Variants in KANK1 observed in about 807,000 individuals in gnomAD.
The protein encoded by KANK1 is KN motif and ankyrin repeat domain-containing protein 1.
In KANK1, 109 loss-of-function variants were observed where a neutral mutation model predicts 106.2. The ratio of observed to expected loss-of-function variants is 1.03; its 90% confidence interval spans 0.88 to 1.20. The LOEUF (loss-of-function observed/expected upper bound fraction) is 1.20, where lower values mean the gene tolerates loss of function less well. Among genes scored for constraint, KANK1 ranks in the 50% most tolerant of loss-of-function variants. The pLI is 0.00. For missense variants in KANK1, 2,399 were observed against 1,710.7 expected (o/e 1.40, Z -7.10); for synonymous variants, 873 against 652.2 (o/e 1.34, Z -5.16).
At chr9:583,983 G>C (rs1282559632) in intron 1 of KANK1, among the ~76,000 whole-genome samples, 1 of 151,980 alleles carries the variant, frequency 6.6e-6, no homozygotes. Flanking sequence ...TGTGCCACTG[G>C]GTCAAACATT....
At chr9:607,479 C>A (rs1170177923) in intron 1 of KANK1, among the ~76,000 whole-genome samples, 2 of 111,810 alleles carry the variant, frequency 1.8e-5, no homozygotes, top group African/African-American at 7.4e-5. Context: ...AGCAAGACTC[C>A]ATCTCAAAAA....
intron 2 of KANK1, among the ~76,000 whole-genome samples, chr9:686,553 A>C (rs1008468880): frequency 6.6e-6 from 1 of 152,152 alleles, no homozygotes; most frequent in Non-Finnish European, 1.5e-5. Context: ...TTTGCATGTC[A>C]AACCATTTCA....
chr9:617,031 C>G (rs192646185), intron 1 of KANK1, among the ~76,000 whole-genome samples: 1 of 152,068 alleles, frequency 6.6e-6, no homozygotes, highest in Non-Finnish European at 1.5e-5. Flanking sequence ...GCAGTCCCTT[C>G]TCTAGAAGAT....
intron 2 of KANK1, among the ~76,000 whole-genome samples, chr9:703,598 C>T (rs1262067381): frequency 1.3e-5 from 2 of 152,108 alleles, no homozygotes; most frequent in African/African-American, 2.4e-5. Flanking sequence ...CTCAGGATTT[C>T]AGTTGCAGAT....
chr9:740,475 T>C (rs925943698), intron 8 of KANK1, among the ~76,000 whole-genome samples: 1 of 152,212 alleles, frequency 6.6e-6, no homozygotes, highest in Non-Finnish European at 1.5e-5. Context: ...AAAAATCGTT[T>C]ATTCTCAAGA....
In KANK1 at chr9:732,627, A is replaced by G. The variant is rs1564108284; in HGVS notation, c.3245+10A>G. 4 of 1,610,630 alleles carry G rather than the reference A, an allele frequency of 2.5e-6. No individual in the cohort carries two copies. The highest frequency in any genetic ancestry group is 3.4e-6 in the Non-Finnish European group (4 of 1,177,166). On this transcript the variant is annotated intron_variant, in intron 6 of 11. Coordinates refer to ENST00000382297, the MANE Select transcript of KANK1 (RefSeq NM_015158.5). ...TGGAAATCAGAGAGAGGTGTGGTACATTCCCCTTCCCTCCCTTGCCCCTCC... is the reference window on the plus strand; with the variant it reads ...TGGAAATCAGAGAGAGGTGTGGTACGTTCCCCTTCCCTCCCTTGCCCCTCC...
chr9:709,682 C>G (rs571727489), intron 2 of KANK1, among the ~76,000 whole-genome samples: 17 of 150,084 alleles, frequency 1.1e-4, no homozygotes, highest in African/African-American at 4.2e-4. Context: ...ATGGTGTGAC[C>G]TCGCCTCACT....
intron 1 of KANK1, among the ~76,000 whole-genome samples, chr9:532,965 G>A (rs572078146): frequency 2.2e-4 from 34 of 152,238 alleles, no homozygotes; most frequent in African/African-American, 8.2e-4. Context: ...TTTTGCCGAC[G>A]ATAATGGGGC....
chr9:473,764 A>G (rs1224148177), intron 3 of KANK1, among the ~76,000 whole-genome samples: 2 of 151,976 alleles, frequency 1.3e-5, no homozygotes, highest in African/African-American at 4.8e-5. Context: ...CAGTGGCACA[A>G]TCTCAGCTCA....
chr9:521,579 T>G (rs1339269698), intron 1 of KANK1, among the ~76,000 whole-genome samples: 1 of 150,278 alleles, frequency 6.7e-6, no homozygotes, highest in Non-Finnish European at 1.5e-5. Flanking sequence ...TTTTTTTTTT[T>G]TTTTTGGAGA....
chr9:651,538 G>A (rs1049295844), intron 1 of KANK1, among the ~76,000 whole-genome samples: 8 of 152,166 alleles, frequency 5.3e-5, no homozygotes, highest in Non-Finnish European at 1.0e-4. Flanking sequence ...TCTGTTGAAA[G>A]GATAAAGGAA....
rs1047938054 is a variant in KANK1 at position 745,646 on chromosome 9, C to T, written c.*411C>T. 16 of 153,394 alleles carry T rather than the reference C, an allele frequency of 1.0e-4. No individual in the cohort carries two copies. Among genetic ancestry groups the T allele is most frequent in the Non-Finnish European group, 1.9e-4 (13 of 68,912 alleles). The allele number at this position is 153,394 out of a possible 1,614,324, so 9.5% of individuals were successfully genotyped here. On this transcript the variant is annotated 3_prime_UTR_variant, in exon 12 of 12. Coordinates refer to ENST00000382297, the MANE Select transcript of KANK1 (RefSeq NM_015158.5). ...AGAAAGTTCTTCCAAAATCTCATTCCAGCATAGTTTTGGATTTTTCTTTTG... is the reference window on the plus strand; with the variant it reads ...AGAAAGTTCTTCCAAAATCTCATTCTAGCATAGTTTTGGATTTTTCTTTTG...
At chr9:632,534 T>G (rs887622438) in intron 1 of KANK1, among the ~76,000 whole-genome samples, 1 of 152,162 alleles carries the variant, frequency 6.6e-6, no homozygotes, top group African/African-American at 2.4e-5. Flanking sequence ...CAGCTTGTAA[T>G]TTTTTACAAC....
intron 1 of KANK1, among the ~76,000 whole-genome samples, chr9:512,545 A>C (rs1345282901): frequency 6.6e-6 from 1 of 152,110 alleles, no homozygotes; most frequent in Non-Finnish European, 1.5e-5. Flanking sequence ...CCTCCAAGTC[A>C]ACACATAAAA....
rs114649126 is a variant in KANK1, at chr9:712,257, G to A, written c.1491G>A (p.Ser497=). 8.7e-4 allele frequency: 1,406 copies of A among 1,614,136 alleles called. No homozygotes were observed. The highest frequency in any genetic ancestry group is 1.1e-3 in the Non-Finnish European group (1,318 of 1,179,994). ...KLKQELQAAG[S]RKKVDKATMA... ...AACAAGAGCTGCAGGCTGCTGGATC[G>A]AGGAAAAAGGTTGACAAAGCCACGA... Residue 497 remains serine, a synonymous_variant, in exon 3 of 12, where the codon TCG becomes TCA. Transcript: ENST00000382297.
rs3028166 is a variant in KANK1, at chr9:598,620, C to CTTTTTTTTTTTTTTTTTTTTTTTT, written c.-83-78263_-83-78240dup. On this transcript the variant is annotated intron_variant, in intron 1 of 11. Transcript: ENST00000382297. ...TTTTTTGTTTTGTTTTGTTGGTTTT[C>CTTTTTTTTTTTTTTTTTTTTTTTT]TTTTTTTTTTTTTTTTTTTTTTTTT... Among the ~76,000 whole-genome samples, 13 of 46,680 alleles carry CTTTTTTTTTTTTTTTTTTTTTTTT rather than the reference C, an allele frequency of 2.8e-4. 4 individuals carry two copies. Among genetic ancestry groups the CTTTTTTTTTTTTTTTTTTTTTTTT allele is most frequent in the East Asian group, 2.0e-3 (3 of 1,512 alleles). 30.6% of individuals were successfully genotyped at this position (46,680 alleles called of 152,430 possible).
At chr9:656,487 C>A (rs1348867209) in intron 1 of KANK1, among the ~76,000 whole-genome samples, 1 of 152,138 alleles carries the variant, frequency 6.6e-6, no homozygotes, top group Non-Finnish European at 1.5e-5. Flanking sequence ...AAGGCTCTGT[C>A]TCCTGGGTGT....
chr9:744,408 G>C lies in KANK1; in HGVS notation c.3898-83G>C, dbSNP rs1836628543. ...ATTTGGGGAACCTTGCCAATTATTG[G>C]AGGGTGTTTTGTTCTGTTACCTTTC... On this transcript the variant is annotated intron_variant, in intron 10 of 11. Coordinates refer to ENST00000382297, the MANE Select transcript of KANK1 (RefSeq NM_015158.5). The C allele has an allele frequency of 2.7e-6, 4 of 1,468,202 alleles. No individual in the cohort carries two copies. In the African/African-American group the frequency reaches 4.2e-5, roughly 15 times the overall value. The allele number at this position is 1,468,202 out of a possible 1,614,324, so 90.9% of individuals were successfully genotyped here.
intron 1 of KANK1, among the ~76,000 whole-genome samples, chr9:511,976 C>G (rs974377128): frequency 6.6e-6 from 1 of 152,220 alleles, no homozygotes; most frequent in South Asian, 2.1e-4. Flanking sequence ...TGGTACCCAG[C>G]TGGTGGATGT....
Sources: gnomAD v4.1 joint callset for allele counts (sites outside exome capture counted in the v4.1 genomes callset) on GRCh38, gnomAD v4.1.1 for gene constraint, MANE v1.5 for transcripts, NCBI Gene and HGNC (gene_info 2026-07-23, HGNC 2026-07-21) for gene names.